The following ZNF540 variants were observed in gnomAD, a reference collection of about 807,000 sequenced individuals.
ZNF540 encodes the protein CTD-3064H18.6.
ZNF540 carries 3 observed loss-of-function variants against 11.8 expected under a neutral mutation model. That is an observed-to-expected ratio of 0.25 (90% CI 0.12 to 0.65). ZNF540 has a LOEUF of 0.65. Ranked by LOEUF, ZNF540 falls within the 30% of genes least tolerant of loss-of-function variation. The probability of loss-of-function intolerance (pLI) is 0.83; values close to 1 mark genes in which losing one functional copy is unlikely to be tolerated. For missense variants in ZNF540, 709 were observed against 793.1 expected (o/e 0.89, Z 1.27); for synonymous variants, 247 against 259.0 (o/e 0.95, Z 0.45).
At chr19:37,577,753 A>G (rs765700509) in intron 1 of ZNF540, among the ~76,000 whole-genome samples, 4 of 152,214 alleles carry the variant, frequency 2.6e-5, no homozygotes, top group Non-Finnish European at 4.4e-5. Context: ...GTAAATTTAA[A>G]TGTAACTCTA....
chr19:37,555,338 C>T (rs923558359), intron 1 of ZNF540: 3 of 152,488 alleles, frequency 2.0e-5, no homozygotes, highest in Non-Finnish European at 2.9e-5. Context: ...TCGTTGATTC[C>T]TCAATTATAA....
intron 1 of ZNF540, chr19:37,575,923 G>A (rs1369428355): frequency 3.3e-5 from 5 of 152,168 alleles, no homozygotes; most frequent in South Asian, 2.1e-4. Context: ...CACAATTTCC[G>A]TTAATTAACT....
At chr19:37,600,265 C>T (rs1281003327) in intron 3 of ZNF540, among the ~76,000 whole-genome samples, 1 of 152,178 alleles carries the variant, frequency 6.6e-6, no homozygotes, top group Non-Finnish European at 1.5e-5. Context: ...ACCTATTGGA[C>T]ATTATGCTCA....
intron 1 of ZNF540, among the ~76,000 whole-genome samples, chr19:37,589,761 G>C (rs2043807980): frequency 6.7e-6 from 1 of 149,604 alleles, no homozygotes; most frequent in Admixed American, 6.8e-5. Flanking sequence ...AGCTACTTGG[G>C]AGGCTGAGGC....
intron 1 of ZNF540, chr19:37,584,950 C>T (rs928063822): frequency 1.5e-5 from 2 of 137,794 alleles, no homozygotes; most frequent in South Asian, 2.3e-4. Flanking sequence ...GGCCACAGAG[C>T]GAGACTCCGT....
In ZNF540 at chr19:37,612,723, A is replaced by C. The variant is rs751127799; in HGVS notation, c.1443A>C (p.Gln481His). Reference sequence around the variant, plus strand: ...GGAAGACCTTTCGAGTTCGTTCTCAAATTAGTCTACATAAGAAAATTCATA... The same window carrying C: ...GGAAGACCTTTCGAGTTCGTTCTCACATTAGTCTACATAAGAAAATTCATA... ...ECGKTFRVRS[Q>H]ISLHKKIHTD... The change falls in exon 5 of 5, where the codon CAA becomes CAC. Residue 481 changes from glutamine (Q) to histidine (H), a missense_variant. Coordinates refer to ENST00000316433, the MANE Select transcript of ZNF540 (RefSeq NM_001172225.3). The C allele has an allele frequency of 8.1e-6, 13 of 1,613,786 alleles. No homozygotes were observed.
At chr19:37,593,204 G>A (rs1193159746), upstream of ZNF540, among the ~76,000 whole-genome samples, 1 of 151,912 alleles carries the variant, frequency 6.6e-6, no homozygotes. Flanking sequence ...ATGCTTATAA[G>A]AGGATAAAAT....
intron 1 of ZNF540, among the ~76,000 whole-genome samples, chr19:37,581,263 T>C (rs966514366): frequency 6.6e-6 from 1 of 152,122 alleles, no homozygotes; most frequent in African/African-American, 2.4e-5. Context: ...CATAATAGAT[T>C]AGTCTCTTTT....
intron 1 of ZNF540, among the ~76,000 whole-genome samples, chr19:37,589,287 C>T (rs1173447760): frequency 6.6e-6 from 1 of 150,522 alleles, no homozygotes; most frequent in African/African-American, 2.4e-5. Flanking sequence ...AATTCTGTAT[C>T]TCACAATCAT....
chr19:37,575,280 A>T (rs1236503839), intron 1 of ZNF540, among the ~76,000 whole-genome samples: 1 of 152,230 alleles, frequency 6.6e-6, no homozygotes, highest in Non-Finnish European at 1.5e-5. Flanking sequence ...TACATTGTAT[A>T]TACATGTGTA....
At chr19:37,579,900 A>G (rs1028793340) in intron 1 of ZNF540, among the ~76,000 whole-genome samples, 2 of 152,212 alleles carry the variant, frequency 1.3e-5, no homozygotes, top group Non-Finnish European at 2.9e-5. Flanking sequence ...TGTCTATCCA[A>G]AAGTGTACAT....
chr19:37,586,652 A>G, intron 1 of ZNF540: 1 of 1,614,008 alleles, frequency 6.2e-7, no homozygotes. Flanking sequence ...CAAGAAGGAA[A>G]GAAACAGCAA....
At chr19:37,590,376 C>T (rs2043832456), upstream of ZNF540, among the ~76,000 whole-genome samples, 1 of 151,760 alleles carries the variant, frequency 6.6e-6, no homozygotes, top group Non-Finnish European at 1.5e-5. Flanking sequence ...AAGATCTCGC[C>T]ACCGCACTCC....
chr19:37,568,968 T>G (rs1975940), intron 1 of ZNF540, among the ~76,000 whole-genome samples: 11 of 152,066 alleles, frequency 7.2e-5, no homozygotes, highest in Admixed American at 2.6e-4. Context: ...GCATCTTTTT[T>G]TTTTTTGAGA....
intron 1 of ZNF540, among the ~76,000 whole-genome samples, chr19:37,589,378 T>A (rs1008998543): frequency 1.3e-5 from 2 of 151,550 alleles, no homozygotes; most frequent in African/African-American, 4.9e-5. Context: ...TATGCGCAAC[T>A]TAAATAAAAA....
At chr19:37,606,105 G>C (rs2126978) in intron 4 of ZNF540, among the ~76,000 whole-genome samples, 111,443 of 151,978 alleles carry the variant, frequency 0.73, 41,065 homozygotes, top group South Asian at 0.88. Flanking sequence ...GCTTTAGGCA[G>C]CTACTGACCT....
Position 37,569,172 on chromosome 19 carries a change from C to T in ZNF540, c.-73+17507C>T, listed in dbSNP as rs1268331381. Among the ~76,000 whole-genome samples, 1 of 152,054 alleles carries T rather than the reference C, an allele frequency of 6.6e-6. No homozygotes were observed. The highest frequency in any genetic ancestry group is 1.5e-5 in the Non-Finnish European group (1 of 68,004). Reference sequence around the variant, plus strand: ...TTCACCATATTGGTCAGGCTGGTCTCAAATTCCTGGCCTCAAGTGATCCAC... The same window carrying T: ...TTCACCATATTGGTCAGGCTGGTCTTAAATTCCTGGCCTCAAGTGATCCAC... On this transcript the variant is annotated intron_variant, in intron 1 of 4. Coordinates refer to the ZNF540 transcript ENST00000592533. The surrounding 1 kb of genome is among the most constrained non-coding windows in gnomAD (Gnocchi z 4.4).
rs767677328 is a variant in ZNF540, at chr19:37,601,037, T to C, written c.164T>C (p.Ile55Thr). The change falls in exon 4 of 5, where the codon ATT (isoleucine) becomes ACT (threonine). Residue 55 changes from isoleucine (I) to threonine (T), a missense_variant. Physicochemically the swap from Ile to Thr is moderately conservative, Grantham distance 89. Coordinates refer to ENST00000316433, the MANE Select transcript of ZNF540 (RefSeq NM_001172225.3). ...TATTCTGGCTCAAAGCCAGATGTGA[T>C]TACCTTACTGGAGCAAGGGAAAGAG... ...LGYSGSKPDV[I>T]TLLEQGKEPC... 1.9e-6 allele frequency: 3 copies of C among 1,590,012 alleles called. No individual in the cohort carries two copies. Among genetic ancestry groups the C allele is most frequent in the African/African-American group, 1.3e-5 (1 of 74,502 alleles).
At chr19:37,578,293 G>A (rs756721438) in intron 1 of ZNF540, among the ~76,000 whole-genome samples, 1 of 152,134 alleles carries the variant, frequency 6.6e-6, no homozygotes, top group African/African-American at 2.4e-5. Context: ...AGAGAGACAA[G>A]CCAGGCAGCC....
Sources: gnomAD v4.1 joint callset for allele counts (sites outside exome capture counted in the v4.1 genomes callset) on GRCh38, gnomAD v4.1.1 for gene constraint, Gnocchi (gnomAD v3.1) non-coding constraint, MANE v1.5 for transcripts, NCBI Gene and HGNC (gene_info 2026-07-23, HGNC 2026-07-21) for gene names.